The following CACNA1E variants were observed in gnomAD, a reference collection of about 807,000 sequenced individuals.
CACNA1E encodes calcium voltage-gated channel subunit alpha1 E.
CACNA1E carries 40 observed loss-of-function variants against 259.2 expected under a neutral mutation model. That is an observed-to-expected ratio of 0.15 (90% CI 0.12 to 0.20). The LOEUF is 0.20. Among genes scored for constraint, CACNA1E ranks in the 10% least tolerant of loss-of-function variants. The probability of loss-of-function intolerance (pLI) is 1.00; values close to 1 mark genes in which losing one functional copy is unlikely to be tolerated. For missense variants in CACNA1E, 1,874 were observed against 3,040.1 expected (o/e 0.62, Z 9.02); for synonymous variants, 1,104 against 1,138.5 (o/e 0.97, Z 0.61).
At chr1:181,377,398 T>C (rs1376334497) in intron 1 of CACNA1E, among the ~76,000 whole-genome samples, 1 of 152,168 alleles carries the variant, frequency 6.6e-6, no homozygotes, top group East Asian at 1.9e-4. Flanking sequence ...ATTGATATTA[T>C]TGTAGCAAAG....
intron 1 of CACNA1E, among the ~76,000 whole-genome samples, chr1:181,508,619 A>G (rs2102607691): frequency 6.6e-6 from 1 of 152,290 alleles, no homozygotes; most frequent in East Asian, 1.9e-4. Context: ...GGTTACAGCC[A>G]TGATGGGAGG....
At position 181,782,620 on chromosome 1, in the gene CACNA1E, G is replaced by A. The variant is rs79617399; in HGVS notation, c.5365-1059G>A. 2.8e-3 allele frequency among the ~76,000 whole-genome samples: 421 copies of A among 152,280 alleles called. 6 individuals carry two copies. Among genetic ancestry groups the A allele is most frequent in the Admixed American group, 8.2e-3 (126 of 15,300 alleles). ...ATTAGAGACCCTTCTTTGGGAAGAGGTACTTCCCTCTCTGCCAGGCTGGTG... is the reference window on the plus strand; with the variant it reads ...ATTAGAGACCCTTCTTTGGGAAGAGATACTTCCCTCTCTGCCAGGCTGGTG... On this transcript the variant is annotated intron_variant, in intron 39 of 47. Transcript: ENST00000367573.
chr1:181,676,982 C>G (rs1240886366), intron 7 of CACNA1E, among the ~76,000 whole-genome samples: 1 of 152,148 alleles, frequency 6.6e-6, no homozygotes, highest in Non-Finnish European at 1.5e-5. Flanking sequence ...TCCTCCTGAA[C>G]TGTAATAGAT....
chr1:181,574,892 G>A (rs559676085), intron 3 of CACNA1E, among the ~76,000 whole-genome samples: 32 of 152,216 alleles, frequency 2.1e-4, no homozygotes, highest in African/African-American at 7.2e-4. Flanking sequence ...AGGTTTGGTG[G>A]CATATGCCTG....
intron 1 of CACNA1E, among the ~76,000 whole-genome samples, chr1:181,488,748 G>T (rs539604071): frequency 2.6e-5 from 4 of 152,122 alleles, no homozygotes; most frequent in Admixed American, 2.0e-4. Flanking sequence ...TGCAATAGGC[G>T]CAGTGCATGC....
chr1:181,458,106 C>T (rs573164125), intron 2 of CACNA1E, among the ~76,000 whole-genome samples: 2 of 152,246 alleles, frequency 1.3e-5, no homozygotes, highest in South Asian at 2.1e-4. Context: ...AAAGTCTATT[C>T]CTGTTCTTCA....
rs1049876875 is a variant in CACNA1E at position 181,577,951 on chromosome 1, G to A, written c.616+82G>A. On this transcript the variant is annotated intron_variant, in intron 4 of 47. Coordinates refer to ENST00000367573, the MANE Select transcript of CACNA1E (RefSeq NM_001205293.3). Reference sequence around the variant, plus strand: ...TGGATCCAGGTCTAAGGGAATTTGGGATAAACAAACAATATTCCTCCTGGG... The same window carrying A: ...TGGATCCAGGTCTAAGGGAATTTGGAATAAACAAACAATATTCCTCCTGGG... 26 of 890,696 alleles carry A rather than the reference G, an allele frequency of 2.9e-5. No homozygotes were observed. The South Asian group carries it at 4.0e-4, about 14-fold the overall frequency. The allele number at this position is 890,696 out of a possible 1,614,324, so 55.2% of individuals were successfully genotyped here. A position where few individuals can be genotyped will look rare whatever the true frequency, so the allele number is the denominator to read the frequency against.
At chr1:181,419,993 G>A (rs1658602878) in intron 2 of CACNA1E, among the ~76,000 whole-genome samples, 1 of 152,080 alleles carries the variant, frequency 6.6e-6, no homozygotes, top group African/African-American at 2.4e-5. Context: ...CTAGGACAGG[G>A]GCAGCCTGGT....
At chr1:181,474,481 C>T (rs996524685) in intron 2 of CACNA1E, among the ~76,000 whole-genome samples, 4 of 152,212 alleles carry the variant, frequency 2.6e-5, no homozygotes, top group Admixed American at 2.6e-4. Context: ...TGTCTGAAAA[C>T]TTCCCGTAGC....
chr1:181,753,341 G>A (rs971341002), intron 27 of CACNA1E, among the ~76,000 whole-genome samples: 7 of 152,178 alleles, frequency 4.6e-5, no homozygotes, highest in South Asian at 2.1e-4. Flanking sequence ...CTTGGAGTGC[G>A]CCTCCTAAAC....
intron 3 of CACNA1E, among the ~76,000 whole-genome samples, chr1:181,513,204 A>T (rs189092501): frequency 6.6e-6 from 1 of 152,354 alleles, no homozygotes; most frequent in Non-Finnish European, 1.5e-5. Flanking sequence ...AATACAGAAA[A>T]GTCAAAAGAA....
At chr1:181,502,545 C>T (rs919782248) in intron 1 of CACNA1E, among the ~76,000 whole-genome samples, 1 of 152,178 alleles carries the variant, frequency 6.6e-6, no homozygotes, top group Non-Finnish European at 1.5e-5. Flanking sequence ...GGTGGAGCGG[C>T]TTGCTGAGAG....
intron 2 of CACNA1E, among the ~76,000 whole-genome samples, chr1:181,438,550 A>G (rs1418198627): frequency 6.6e-6 from 1 of 152,180 alleles, no homozygotes; most frequent in Non-Finnish European, 1.5e-5. Flanking sequence ...GGGAGTGGGA[A>G]AGTCTAAATC....
At position 181,406,751 on chromosome 1, in the gene CACNA1E, C is replaced by T. The variant is rs1217703269; in HGVS notation, c.-14-6382C>T. 5.9e-5 allele frequency among the ~76,000 whole-genome samples: 9 copies of T among 152,172 alleles called. No homozygotes were observed. The East Asian group carries it at 7.7e-4, about 13-fold the overall frequency. On this transcript the variant is annotated intron_variant, in intron 1 of 11. Coordinates refer to the CACNA1E transcript ENST00000524607. ...AGATATGCAAGGCTATGTAATTTGCCGAGGGATTCAGTTGGTGAGCGTGGA... is the reference window on the plus strand; with the variant it reads ...AGATATGCAAGGCTATGTAATTTGCTGAGGGATTCAGTTGGTGAGCGTGGA...
At chr1:181,709,462 G>A (rs192872724) in intron 7 of CACNA1E, among the ~76,000 whole-genome samples, 12 of 152,324 alleles carry the variant, frequency 7.9e-5, no homozygotes, top group Admixed American at 2.0e-4. Context: ...GGAGGGCCAG[G>A]TGTGACACGA....
At chr1:181,535,945 C>A (rs1668140565) in intron 3 of CACNA1E, among the ~76,000 whole-genome samples, 2 of 152,124 alleles carry the variant, frequency 1.3e-5, no homozygotes. Context: ...CCTTGGCCTC[C>A]CAAAGTGCTG....
Position 181,738,434 on chromosome 1 carries a change from C to T in CACNA1E, c.3612+8C>T, listed in dbSNP as rs1280773130. 5 of 1,612,088 alleles carry T rather than the reference C, an allele frequency of 3.1e-6. No homozygotes were observed. Among genetic ancestry groups the T allele is most frequent in the Non-Finnish European group, 4.2e-6 (5 of 1,178,262 alleles). On this transcript the variant is annotated splice_region_variant and intron_variant, in intron 24 of 47. Coordinates refer to ENST00000367573, the MANE Select transcript of CACNA1E (RefSeq NM_001205293.3). ...TTTGAGATGGTTATAAAGGTAAAAA[C>T]TTCTAGAGAAAACCTGGGCTCTTGG...
Position 181,393,561 on chromosome 1 carries a change from G to A in CACNA1E, c.-14-19572G>A, listed in dbSNP as rs576082767. 9.3e-4 allele frequency among the ~76,000 whole-genome samples: 142 copies of A among 152,210 alleles called. 3 individuals are homozygous for A. In the South Asian group the frequency reaches 0.028, roughly 30 times the overall value. On this transcript the variant is annotated intron_variant, in intron 1 of 11. Coordinates refer to the CACNA1E transcript ENST00000524607. ...CAACCTCTGCCTTCCAGGCTCAAGCGATCCTCCCACCTCACTTCCTGAGTA... is the reference window on the plus strand; with the variant it reads ...CAACCTCTGCCTTCCAGGCTCAAGCAATCCTCCCACCTCACTTCCTGAGTA...
Position 181,560,235 on chromosome 1 carries a change from TAA to T in CACNA1E, c.513-17530_513-17529del, listed in dbSNP as rs1222959897. On this transcript the variant is annotated intron_variant, in intron 3 of 47. Coordinates refer to ENST00000367573, the MANE Select transcript of CACNA1E (RefSeq NM_001205293.3). ...CTGCAAACAACCTTGCTTTTTTTTTTAAGTTTTTTTTTGTGTGTGTGATTATA... is the reference window on the plus strand; with the variant it reads ...CTGCAAACAACCTTGCTTTTTTTTTTGTTTTTTTTTGTGTGTGTGATTATA... 1.1e-4 allele frequency among the ~76,000 whole-genome samples: 16 copies of T among 151,702 alleles called. No homozygotes were observed. The East Asian group carries it at 2.9e-3, about 28-fold the overall frequency.
Sources: gnomAD v4.1 joint callset for allele counts (sites outside exome capture counted in the v4.1 genomes callset) on GRCh38, gnomAD v4.1.1 for gene constraint, MANE v1.5 for transcripts, NCBI Gene and HGNC (gene_info 2026-07-23, HGNC 2026-07-21) for gene names.